Variants in UBN2 observed in about 807,000 individuals in gnomAD.
UBN2 encodes ubinuclein 2, also known as ubinuclein-2.
A neutral mutation model predicts 120.2 loss-of-function variants in UBN2; 35 were observed. The observed-to-expected ratio is 0.29, with a 90% CI of 0.22 to 0.39. UBN2 has a LOEUF of 0.39. UBN2 is among the 10% of genes least tolerant of loss of function. The pLI is 1.00. For missense variants in UBN2, 1,693 were observed against 1,663.2 expected (o/e 1.02, Z -0.31); for synonymous variants, 661 against 648.7 (o/e 1.02, Z -0.29).
downstream of UBN2, among the ~76,000 whole-genome samples, chr7:139,310,150 A>T (rs985864347): frequency 2.0e-5 from 3 of 152,126 alleles, no homozygotes; most frequent in Non-Finnish European, 2.9e-5. Context: ...GTAGATCCTA[A>T]CATTGGATTT....
rs1798173583 is a variant in UBN2, at chr7:139,298,486, A to T, written c.*650A>T. 6.6e-6 allele frequency: 1 copy of T among 152,120 alleles called. No individual in the cohort carries two copies. The highest frequency in any genetic ancestry group is 1.9e-4 in the East Asian group (1 of 5,198). The allele number at this position is 152,120 out of a possible 1,614,324, so 9.4% of individuals were successfully genotyped here. A position where few individuals can be genotyped will look rare whatever the true frequency, so the allele number is the denominator to read the frequency against. ...TTTAGCACAGTGATATATATTATTA[A>T]ATCATCTAGATTTTTAAAAATCAGG... is the stretch of plus-strand genomic sequence containing the variant. On this transcript the variant is annotated 3_prime_UTR_variant, in exon 18 of 18. Coordinates refer to ENST00000473989, the MANE Select transcript of UBN2 (RefSeq NM_173569.4).
intron 3 of UBN2, among the ~76,000 whole-genome samples, chr7:139,254,119 C>T (rs924842290): frequency 1.3e-5 from 2 of 152,104 alleles, no homozygotes; most frequent in Non-Finnish European, 2.9e-5. Context: ...CAGTGAAATC[C>T]CATCTCTACT....
intron 7 of UBN2, among the ~76,000 whole-genome samples, chr7:139,266,764 ATTAC>A (rs1352927039): frequency 1.3e-5 from 2 of 152,156 alleles, no homozygotes; most frequent in African/African-American, 2.4e-5. Context: ...ATCTACTTTT[ATTAC>A]TTACACTGGG....
Position 139,307,792 on chromosome 7 carries a change from A to G in UBN2, c.*9956A>G, listed in dbSNP as rs1278616748. 6.6e-6 allele frequency: 1 copy of G among 152,174 alleles called. No individual in the cohort carries two copies. Among genetic ancestry groups the G allele is most frequent in the Admixed American group, 6.5e-5 (1 of 15,268 alleles). 9.4% of individuals were successfully genotyped at this position (152,174 alleles called of 1,614,324 possible). On this transcript the variant is annotated 3_prime_UTR_variant, in exon 18 of 18. Coordinates refer to ENST00000473989, the MANE Select transcript of UBN2 (RefSeq NM_173569.4). Reference sequence around the variant, plus strand: ...GTGCCCTTTGAACTTTAATGGTAAAACATTTCACACTTTGGATGGTTTGCT... The same window carrying G: ...GTGCCCTTTGAACTTTAATGGTAAAGCATTTCACACTTTGGATGGTTTGCT...
chr7:139,325,170 A>G, the UBN2 span, among the ~76,000 whole-genome samples: 1,331 of 152,086 alleles, frequency 8.8e-3, 19 homozygotes, highest in African/African-American at 0.03. Context: ...GTAAATGTAT[A>G]TAATTTAAAA....
chr7:139,297,100 A>G (rs1176474271), intron 17 of UBN2, among the ~76,000 whole-genome samples: 1 of 151,634 alleles, frequency 6.6e-6, no homozygotes, highest in Non-Finnish European at 1.5e-5. Context: ...AGGCTGAGAC[A>G]GGAGAATTGC....
intron 11 of UBN2, among the ~76,000 whole-genome samples, chr7:139,274,913 A>G (rs1278161382): frequency 5.3e-5 from 8 of 152,236 alleles, no homozygotes; most frequent in African/African-American, 1.9e-4. Context: ...AAATAAGTAA[A>G]TAAATAAGAA....
At chr7:139,285,269 G>A (rs1797750701) in intron 15 of UBN2, among the ~76,000 whole-genome samples, 1 of 152,162 alleles carries the variant, frequency 6.6e-6, no homozygotes, top group Non-Finnish European at 1.5e-5. Context: ...CACTTTGGGA[G>A]GCCAAGGCAG....
At chr7:139,289,532 C>T (rs922022248) in intron 15 of UBN2, among the ~76,000 whole-genome samples, 1 of 151,648 alleles carries the variant, frequency 6.6e-6, no homozygotes, top group Non-Finnish European at 1.5e-5. Context: ...CCTGCCTCAG[C>T]CTCCAAGTAC....
rs536342988 is a variant in UBN2, at chr7:139,304,315, G to GGTC, written c.*6481_*6483dup. The stretch of plus-strand genomic sequence containing the variant: ...GAAGGCAGGATTCACTTTCTAACTG[G>GGTC]GTCGGGGTGGGGAAGGTCAGGGTAG... On this transcript the variant is annotated 3_prime_UTR_variant, in exon 18 of 18. Coordinates refer to ENST00000473989, the MANE Select transcript of UBN2 (RefSeq NM_173569.4). 1.9e-3 allele frequency: 295 copies of GGTC among 152,222 alleles called. 1 individual carries two copies. Among genetic ancestry groups the GGTC allele is most frequent in the African/African-American group, 6.7e-3 (277 of 41,536 alleles). 9.4% of individuals were successfully genotyped at this position (152,222 alleles called of 1,614,324 possible).
the UBN2 span, among the ~76,000 whole-genome samples, chr7:139,319,666 C>G: frequency 1.3e-3 from 194 of 152,310 alleles, no homozygotes; most frequent in African/African-American, 4.2e-3. Context: ...GCAAACAACA[C>G]GTTCCTGCTC....
chr7:139,254,976 T>G (rs562696930), intron 3 of UBN2, among the ~76,000 whole-genome samples: 3 of 152,254 alleles, frequency 2.0e-5, no homozygotes, highest in Admixed American at 1.3e-4. Context: ...ATAGTTCACA[T>G]TAGGGTTCAT....
chr7:139,273,802 G>A, intron 10 of UBN2, 129 bp from the exon 11 acceptor site: 3 of 733,180 alleles, frequency 4.1e-6, no homozygotes, highest in Non-Finnish European at 6.2e-6. Flanking sequence ...AGGTTTGACT[G>A]TGGTGCAATG....
intron 6 of UBN2, among the ~76,000 whole-genome samples, chr7:139,265,169 T>C (rs1797057594): frequency 6.6e-6 from 1 of 152,196 alleles, no homozygotes; most frequent in East Asian, 1.9e-4. Flanking sequence ...TTTTTTGTTT[T>C]TTCATGTTCT....
At chr7:139,309,900 A>G (rs2131102156), downstream of UBN2, among the ~76,000 whole-genome samples, 1 of 152,340 alleles carries the variant, frequency 6.6e-6, no homozygotes, top group Non-Finnish European at 1.5e-5. Flanking sequence ...TAGAAAATAT[A>G]CAAAAGAACA....
In UBN2 at chr7:139,284,231, C is replaced by G. The variant is rs1448415575; in HGVS notation, c.3326C>G (p.Pro1109Arg). The G allele has an allele frequency of 1.2e-6, 2 of 1,614,196 alleles. No individual in the cohort carries two copies. Among genetic ancestry groups the G allele is most frequent in the African/African-American group, 2.7e-5 (2 of 75,070 alleles). ...GGTAGCCACTCCAGCACTAACAGCC[C>G]AGTCCATAAACAGCCCAGTGGAATG... ...AQGSHSSTNSPVHKQPSGMNI... is the reference protein window; with the variant it reads ...AQGSHSSTNSRVHKQPSGMNI... The change falls in exon 15 of 18, where the codon CCA (proline) becomes CGA (arginine). Residue 1109 changes from proline (P) to arginine (R), a missense_variant. Around this residue, in one of 5 missense-constraint regions of UBN2, gnomAD observed 837 missense variants for 817.6 expected, o/e 1.02. Transcript: ENST00000473989.
intron 12 of UBN2, chr7:139,276,355 A>C (rs1797442593): frequency 3.8e-6 from 2 of 526,922 alleles, no homozygotes; most frequent in Non-Finnish European, 6.8e-6. Context: ...GTGACACATA[A>C]TGGCCTGGGA....
chr7:139,258,717 A>G, intron 4 of UBN2, 92 bp downstream of exon 4: 1 of 1,160,770 alleles, frequency 8.6e-7, no homozygotes, highest in South Asian at 2.5e-5. Flanking sequence ...GAATGTAAGG[A>G]AAAGTAAAAT....
chr7:139,299,072 C>G lies in UBN2; in HGVS notation c.*1236C>G, dbSNP rs1302717313. 1 of 152,106 alleles carries G rather than the reference C, an allele frequency of 6.6e-6. No homozygotes were observed. Among genetic ancestry groups the G allele is most frequent in the East Asian group, 1.9e-4 (1 of 5,204 alleles). The allele number at this position is 152,106 out of a possible 1,614,324, so 9.4% of individuals were successfully genotyped here. On this transcript the variant is annotated 3_prime_UTR_variant, in exon 18 of 18. Coordinates refer to ENST00000473989, the MANE Select transcript of UBN2 (RefSeq NM_173569.4). ...TCAGTGTATTGGTATGTGAGTAAATCTGCAGAAAATAAGACTCCTTAGTTA... is the reference window on the plus strand; with the variant it reads ...TCAGTGTATTGGTATGTGAGTAAATGTGCAGAAAATAAGACTCCTTAGTTA...
Sources: gnomAD v4.1 joint callset for allele counts (sites outside exome capture counted in the v4.1 genomes callset) on GRCh38, gnomAD v4.1.1 for gene constraint, gnomAD v4.1.1 regional missense constraint, MANE v1.5 for transcripts, NCBI Gene and HGNC (gene_info 2026-07-23, HGNC 2026-07-21) for gene names.